The following KIAA1217 variants were observed in gnomAD, a reference collection of about 807,000 sequenced individuals.
KIAA1217 encodes the protein sickle tail protein homolog.
KIAA1217 carries 88 observed loss-of-function variants against 163.9 expected under a neutral mutation model. The observed-to-expected ratio is 0.54, with a 90% CI of 0.45 to 0.64. The LOEUF is 0.64. KIAA1217 is among the 30% of genes least tolerant of loss of function. KIAA1217 has a pLI of 0.00. For missense variants in KIAA1217, 2,372 were observed against 2,475.0 expected (o/e 0.96, Z 0.88); for synonymous variants, 903 against 923.1 (o/e 0.98, Z 0.39).
At chr10:23,902,599 C>T (rs1842002355) in intron 1 of KIAA1217, among the ~76,000 whole-genome samples, 2 of 152,114 alleles carry the variant, frequency 1.3e-5, no homozygotes, top group African/African-American at 4.8e-5. Flanking sequence ...ACTTTAGTCA[C>T]AGCATCAGAT....
At chr10:24,411,444 CT>C (rs1462062571) in intron 3 of KIAA1217, among the ~76,000 whole-genome samples, 2 of 152,096 alleles carry the variant, frequency 1.3e-5, no homozygotes, top group Admixed American at 1.3e-4. Context: ...TGGTTTATCC[CT>C]TTTATTGTAC....
chr10:24,440,622 C>T (rs2060418874), intron 5 of KIAA1217, among the ~76,000 whole-genome samples: 1 of 152,170 alleles, frequency 6.6e-6, no homozygotes, highest in Non-Finnish European at 1.5e-5. Flanking sequence ...CTGTGGGTTT[C>T]TGCAGAGTGG....
intron 1 of KIAA1217, among the ~76,000 whole-genome samples, chr10:23,822,205 C>G (rs950243526): frequency 7.2e-5 from 11 of 152,292 alleles, no homozygotes; most frequent in African/African-American, 2.6e-4. Context: ...GACTCCAAAG[C>G]CTGCATAGGG....
At chr10:24,539,114 T>C (rs1304888710) in intron 17 of KIAA1217, among the ~76,000 whole-genome samples, 2 of 152,200 alleles carry the variant, frequency 1.3e-5, no homozygotes, top group Non-Finnish European at 2.9e-5. Flanking sequence ...TGGTATAGCA[T>C]GTTATACTTA....
At chr10:23,696,205 A>G (rs1453435377) in intron 1 of KIAA1217, among the ~76,000 whole-genome samples, 1 of 152,174 alleles carries the variant, frequency 6.6e-6, no homozygotes, top group Non-Finnish European at 1.5e-5. Flanking sequence ...ATAGGGGAAA[A>G]AAGTTCTTGG....
chr10:23,952,661 G>C (rs1035668758), intron 1 of KIAA1217, among the ~76,000 whole-genome samples: 1 of 152,208 alleles, frequency 6.6e-6, no homozygotes, highest in African/African-American at 2.4e-5. Context: ...GTGAGCCTCA[G>C]CGTCCTAACC....
chr10:24,332,723 A>G (rs747680144), intron 2 of KIAA1217, among the ~76,000 whole-genome samples: 4 of 152,190 alleles, frequency 2.6e-5, no homozygotes, highest in Admixed American at 6.5e-5. Flanking sequence ...ATTGGAGCAC[A>G]TGTAAAGTGT....
At chr10:24,320,191 A>G (rs1055484249) in intron 2 of KIAA1217, among the ~76,000 whole-genome samples, 1 of 152,268 alleles carries the variant, frequency 6.6e-6, no homozygotes, top group Admixed American at 6.5e-5. Context: ...CAAGGAGATT[A>G]TATTTTTAAT....
At chr10:23,769,361 C>A (rs1286679850) in intron 1 of KIAA1217, among the ~76,000 whole-genome samples, 1 of 152,136 alleles carries the variant, frequency 6.6e-6, no homozygotes, top group African/African-American at 2.4e-5. Context: ...TGATCTTAGG[C>A]TTTACAGTAG....
chr10:24,510,712 A>G (rs556452510), intron 9 of KIAA1217, among the ~76,000 whole-genome samples: 2 of 152,286 alleles, frequency 1.3e-5, no homozygotes, highest in East Asian at 3.9e-4. Context: ...TCATCTTGAT[A>G]GCACGTGGCT....
At chr10:23,741,045 T>C (rs1007892395) in intron 1 of KIAA1217, among the ~76,000 whole-genome samples, 1 of 152,190 alleles carries the variant, frequency 6.6e-6, no homozygotes, top group Non-Finnish European at 1.5e-5. Flanking sequence ...ACCCTTTCTG[T>C]AGTTTAGCTG....
At chr10:24,102,490 A>G (rs998693074) in intron 2 of KIAA1217, among the ~76,000 whole-genome samples, 2 of 152,234 alleles carry the variant, frequency 1.3e-5, no homozygotes, top group African/African-American at 2.4e-5. Flanking sequence ...GATTCAATGA[A>G]ATCCTAATCA....
chr10:24,415,228 C>T (rs941615408), intron 3 of KIAA1217, among the ~76,000 whole-genome samples: 2 of 151,566 alleles, frequency 1.3e-5, no homozygotes, highest in African/African-American at 4.9e-5. Context: ...GATTCTCCTG[C>T]CTCAGCCTCC....
At chr10:24,141,676 C>T (rs1272382714) in intron 2 of KIAA1217, among the ~76,000 whole-genome samples, 2 of 152,162 alleles carry the variant, frequency 1.3e-5, no homozygotes, top group South Asian at 2.1e-4. Flanking sequence ...GGTGCAAACA[C>T]AGGACAGACG....
chr10:24,374,638 A>G (rs1187573631), intron 2 of KIAA1217, among the ~76,000 whole-genome samples: 1 of 152,140 alleles, frequency 6.6e-6, no homozygotes, highest in Non-Finnish European at 1.5e-5. Flanking sequence ...GTCTCAGTCT[A>G]TTACCCAGAG....
At chr10:24,145,447 C>G (rs2064265082) in intron 2 of KIAA1217, among the ~76,000 whole-genome samples, 1 of 152,086 alleles carries the variant, frequency 6.6e-6, no homozygotes, top group Non-Finnish European at 1.5e-5. Context: ...TAATTGTTGT[C>G]AAAGAATCAT....
intron 1 of KIAA1217, among the ~76,000 whole-genome samples, chr10:23,852,243 T>A (rs983068038): frequency 1.1e-4 from 17 of 152,184 alleles, no homozygotes; most frequent in African/African-American, 4.1e-4. Context: ...GGCTAGCCAG[T>A]TTTCCCAGCA....
rs1011221180 is a variant in KIAA1217, at chr10:24,088,260, T to C, written c.-171+80886T>C. ...AGGCTCTGTTTTTTTAATATACATA[T>C]ATATATATATATATACACACATATA... On this transcript the variant is annotated intron_variant, in intron 2 of 18. Coordinates refer to the KIAA1217 transcript ENST00000376462. 2.4e-3 allele frequency among the ~76,000 whole-genome samples: 245 copies of C among 101,878 alleles called. 14 individuals carry two copies. The highest frequency in any genetic ancestry group is 7.9e-3 in the African/African-American group (226 of 28,434). The allele number at this position is 101,878 out of a possible 152,430, so 66.8% of individuals were successfully genotyped here.
At chr10:24,154,107 G>C (rs377654745) in intron 2 of KIAA1217, among the ~76,000 whole-genome samples, 2 of 151,314 alleles carry the variant, frequency 1.3e-5, no homozygotes, top group African/African-American at 4.8e-5. Flanking sequence ...ACAGGCGCCC[G>C]CCACTACGCC....
Sources: gnomAD v4.1 joint callset for allele counts (sites outside exome capture counted in the v4.1 genomes callset) on GRCh38, gnomAD v4.1.1 for gene constraint, MANE v1.5 for transcripts, NCBI Gene and HGNC (gene_info 2026-07-23, HGNC 2026-07-21) for gene names.